NMBR: variants seen among roughly 807,000 people sequenced by gnomAD.
NMBR encodes the protein neuromedin B receptor, also known as neuromedin-B receptor.
Under a neutral mutation model 20.5 loss-of-function variants are expected in NMBR, and 16 were observed. That is an observed-to-expected ratio of 0.78 (90% CI 0.53 to 1.19). NMBR has a LOEUF of 1.19. NMBR is among the 50% of genes most tolerant of loss of function. NMBR has a pLI of 0.00. For missense variants in NMBR, 582 were observed against 499.1 expected, an observed-to-expected ratio of 1.17 and a Z score of -1.58; for synonymous variants, 212 against 196.6, an observed-to-expected ratio of 1.08 and a Z score of -0.65.
At chr6:142,078,011 T>C (rs1264865007) in intron 3 of NMBR, among the ~76,000 whole-genome samples, 1 of 152,192 alleles carries the variant, frequency 6.6e-6, no homozygotes, top group East Asian at 1.9e-4. Context: ...GGTCACGTAC[T>C]GCTTCAGCAC....
At position 142,141,574 on chromosome 6, in the gene NMBR, G is replaced by A. The variant is rs59512228; in HGVS notation, c.-664+5470C>T. 9.3e-3 allele frequency among the ~76,000 whole-genome samples: 1,396 copies of A among 150,776 alleles called. 28 individuals carry two copies. The highest frequency in any genetic ancestry group is 0.032 in the African/African-American group (1,324 of 40,954). On this transcript the variant is annotated intron_variant, in intron 1 of 3. Coordinates refer to ENST00000258042, the MANE Select transcript of NMBR (RefSeq NM_002511.4). ...GGCTGGAGTGCAGTGTTGCGATCACGACTCACTGCAACCTCTGCATCCTGG... is the reference window on the plus strand; with the variant it reads ...GGCTGGAGTGCAGTGTTGCGATCACAACTCACTGCAACCTCTGCATCCTGG...
chr6:142,089,047 A>G lies in NMBR; in HGVS notation c.-389T>C, dbSNP rs1016607748. ...GAAGCACCTGCCGGACTCTTCGCCC[A>G]GAGAAGCAGAAGTCATCCTGGCGCT... On this transcript the variant is annotated 5_prime_UTR_variant, in exon 2 of 4. Coordinates refer to ENST00000258042, the MANE Select transcript of NMBR (RefSeq NM_002511.4). 7.7e-5 allele frequency: 13 copies of G among 167,966 alleles called. No homozygotes were observed. The highest frequency in any genetic ancestry group is 1.6e-4 in the Non-Finnish European group (12 of 76,420). 10.4% of individuals were successfully genotyped at this position (167,966 alleles called of 1,614,324 possible).
chr6:142,075,495 A>G lies in NMBR; in HGVS notation c.*153T>C. 4.9e-6 allele frequency: 3 copies of G among 606,342 alleles called. No homozygotes were observed. The highest frequency in any genetic ancestry group is 2.7e-5 in the South Asian group (1 of 37,506). The allele number at this position is 606,342 out of a possible 1,614,324, so 37.6% of individuals were successfully genotyped here. A position where few individuals can be genotyped will look rare whatever the true frequency, so the allele number is the denominator to read the frequency against. On this transcript the variant is annotated 3_prime_UTR_variant, in exon 4 of 4. Coordinates refer to ENST00000258042, the MANE Select transcript of NMBR (RefSeq NM_002511.4). ...ATTAGGAAATGAAAAGAGAAAAAAT[A>G]AAGTCTAGTGTAGAGAAAAAATGTC...
At chr6:142,126,757 A>ATTTTTTTTT (rs34631481) in intron 1 of NMBR, among the ~76,000 whole-genome samples, 70 of 51,348 alleles carry the variant, frequency 1.4e-3, no homozygotes, top group East Asian at 4.9e-3. Context: ...TATTTGAGGG[A>ATTTTTTTTT]TTTTTTTTTT....
intron 1 of NMBR, among the ~76,000 whole-genome samples, chr6:142,093,380 C>T (rs1045277946): frequency 1.4e-5 from 2 of 145,390 alleles, no homozygotes; most frequent in Non-Finnish European, 3.0e-5. Flanking sequence ...TCAATTCCCA[C>T]CTATGAGTGA....
intron 1 of NMBR, among the ~76,000 whole-genome samples, chr6:142,142,084 A>G (rs917636418): frequency 4.6e-5 from 7 of 152,230 alleles, no homozygotes; most frequent in African/African-American, 1.7e-4. Flanking sequence ...ATGTTAGGTC[A>G]ATAAGTTTTT....
chr6:142,141,917 C>A (rs982746804), intron 1 of NMBR, among the ~76,000 whole-genome samples: 2 of 151,864 alleles, frequency 1.3e-5, no homozygotes, highest in East Asian at 1.9e-4. Flanking sequence ...TCAATTAAAC[C>A]AAAATCTGGT....
intron 3 of NMBR, among the ~76,000 whole-genome samples, chr6:142,077,507 A>T (rs1230315607): frequency 6.6e-6 from 1 of 152,198 alleles, no homozygotes; most frequent in Non-Finnish European, 1.5e-5. Context: ...ACTGATGCCA[A>T]ATATTTAGAG....
intron 1 of NMBR, among the ~76,000 whole-genome samples, chr6:142,110,074 A>T (rs1013491810): frequency 1.3e-5 from 2 of 152,224 alleles, no homozygotes; most frequent in Non-Finnish European, 2.9e-5. Context: ...ACACAAAAAA[A>T]AGTGTTGGCA....
intron 1 of NMBR, among the ~76,000 whole-genome samples, chr6:142,115,016 T>TAAA (rs1342444263): frequency 2.0e-5 from 3 of 152,148 alleles, no homozygotes; most frequent in Admixed American, 2.0e-4. Flanking sequence ...GGCAAGAAGC[T>TAAA]AAATCTGCAA....
chr6:142,133,339 G>A (rs1778179616), intron 1 of NMBR: 1 of 408,920 alleles, frequency 2.4e-6, no homozygotes, highest in African/African-American at 2.1e-5. Flanking sequence ...AAAATATTCT[G>A]AATTTAAAAC....
At chr6:142,096,315 C>T (rs1386447519) in intron 1 of NMBR, among the ~76,000 whole-genome samples, 1 of 152,190 alleles carries the variant, frequency 6.6e-6, no homozygotes, top group Non-Finnish European at 1.5e-5. Context: ...CCTCTACACA[C>T]TGCTTTAAAT....
chr6:142,091,876 T>C (rs1477946966), intron 1 of NMBR, among the ~76,000 whole-genome samples: 2 of 152,156 alleles, frequency 1.3e-5, no homozygotes, highest in Non-Finnish European at 2.9e-5. Context: ...CAGAACCATA[T>C]TGATGCTGTT....
At chr6:142,103,310 A>G (rs1777598938) in intron 1 of NMBR, among the ~76,000 whole-genome samples, 1 of 152,202 alleles carries the variant, frequency 6.6e-6, no homozygotes, top group South Asian at 2.1e-4. Context: ...TTTGTATGTT[A>G]AAGCTTTTAT....
intron 1 of NMBR, among the ~76,000 whole-genome samples, chr6:142,092,446 G>A (rs1463691688): frequency 2.0e-5 from 3 of 152,076 alleles, no homozygotes; most frequent in Non-Finnish European, 4.4e-5. Context: ...AGTAATTTGG[G>A]GAAGATAATA....
At chr6:142,092,588 A>G (rs906941731) in intron 1 of NMBR, among the ~76,000 whole-genome samples, 7 of 152,218 alleles carry the variant, frequency 4.6e-5, no homozygotes, top group Non-Finnish European at 1.0e-4. Context: ...AGTAGTTTTT[A>G]GACACTGGCA....
rs1380214741 is a variant in NMBR, at chr6:142,078,660, G to A, written c.666C>T (p.Leu222=). 2 of 1,613,274 alleles carry A rather than the reference G, an allele frequency of 1.2e-6. No individual in the cohort carries two copies. The highest frequency in any genetic ancestry group is 1.7e-6 in the Non-Finnish European group (2 of 1,179,240). ...HSVLIFLVYF[L]IPLAIISIYY... ...AAATGCTAATAATAGCAAGTGGTATGAGGAAATAGACCAAGAAAATGAGCA... is the reference window on the plus strand; with the variant it reads ...AAATGCTAATAATAGCAAGTGGTATAAGGAAATAGACCAAGAAAATGAGCA... Residue 222 remains leucine, a synonymous_variant, in exon 3 of 4, where the codon CTC becomes CTT. Transcript: ENST00000258042.
At chr6:142,125,970 C>T (rs1458548745) in intron 1 of NMBR, among the ~76,000 whole-genome samples, 2 of 151,536 alleles carry the variant, frequency 1.3e-5, no homozygotes, top group Non-Finnish European at 3.0e-5. Context: ...ACTATAGTCA[C>T]ATTGCTGTAC....
intron 1 of NMBR, among the ~76,000 whole-genome samples, chr6:142,100,066 C>T (rs1777531328): frequency 6.6e-6 from 1 of 152,134 alleles, no homozygotes; most frequent in Non-Finnish European, 1.5e-5. Flanking sequence ...AAAACACTGC[C>T]AACTTTAAAT....
Sources: gnomAD v4.1 joint callset for allele counts (sites outside exome capture counted in the v4.1 genomes callset) on GRCh38, gnomAD v4.1.1 for gene constraint, MANE v1.5 for transcripts, NCBI Gene and HGNC (gene_info 2026-07-23, HGNC 2026-07-21) for gene names.